MSRA: variants seen among roughly 807,000 people sequenced by gnomAD.
The protein encoded by MSRA is methionine sulfoxide reductase A, also known as mitochondrial peptide methionine sulfoxide reductase.
In MSRA, 54 loss-of-function variants were observed where a neutral mutation model predicts 31.3. The ratio of observed to expected loss-of-function variants is 1.73; its 90% CI spans 1.39 to 2.17. MSRA has a LOEUF of 2.17. Ranked by LOEUF, MSRA falls within the 30% of genes most tolerant of loss-of-function variation. The pLI is 0.00. For synonymous variants in MSRA, 169 were observed against 116.5 expected (o/e 1.45, Z -2.90); for missense variants, 507 against 300.9 (o/e 1.69, Z -5.07).
intron 3 of MSRA, among the ~76,000 whole-genome samples, chr8:10,269,808 C>T (rs568342270): frequency 3.9e-5 from 6 of 152,280 alleles, no homozygotes; most frequent in South Asian, 4.1e-4. Flanking sequence ...AGTGCCACCA[C>T]GCCCGGCTAA....
Position 10,369,692 on chromosome 8 carries a change from A to G in MSRA, c.543+49703A>G, listed in dbSNP as rs1402355482. ...GTTAAAATAATTATTAATACGGGAT[A>G]GGTAATGTTCATTAATAGTCATTCT... On this transcript the variant is annotated intron_variant, in intron 5 of 5. Coordinates refer to ENST00000317173, the MANE Select transcript of MSRA (RefSeq NM_012331.5). Among the ~76,000 whole-genome samples the G allele has an allele frequency of 2.0e-5, 3 of 152,362 alleles. No homozygotes were observed. The East Asian group carries it at 5.8e-4, about 29-fold the overall frequency.
At chr8:10,380,692 C>A (rs112407362) in intron 5 of MSRA, among the ~76,000 whole-genome samples, 1 of 152,090 alleles carries the variant, frequency 6.6e-6, no homozygotes, top group Non-Finnish European at 1.5e-5. Flanking sequence ...GTATTTAATA[C>A]ATTATTTTTG....
At chr8:10,212,862 A>G (rs1211919442) in intron 2 of MSRA, among the ~76,000 whole-genome samples, 1 of 152,190 alleles carries the variant, frequency 6.6e-6, no homozygotes, top group Non-Finnish European at 1.5e-5. Flanking sequence ...TGCTAAGTCA[A>G]AATTCTTTGA....
chr8:10,358,574 T>C, intron 5 of MSRA, among the ~76,000 whole-genome samples: 1 of 35,764 alleles, frequency 2.8e-5, no homozygotes, highest in African/African-American at 1.1e-4. Flanking sequence ...TCTTTTTTTT[T>C]TTTTTTTTTT....
At chr8:10,334,940 G>A (rs935545358) in intron 5 of MSRA, among the ~76,000 whole-genome samples, 32 of 152,348 alleles carry the variant, frequency 2.1e-4, no homozygotes, top group Admixed American at 1.8e-3. Context: ...TCTTCCCGTT[G>A]CTATGGCAGC....
chr8:10,308,178 T>A (rs1037968549), intron 4 of MSRA, among the ~76,000 whole-genome samples: 17 of 152,246 alleles, frequency 1.1e-4, no homozygotes, highest in African/African-American at 3.6e-4. Context: ...TGTGGTTCAT[T>A]GAAGCCTTCT....
At chr8:10,393,469 C>A (rs1189422160) in intron 5 of MSRA, among the ~76,000 whole-genome samples, 3 of 152,196 alleles carry the variant, frequency 2.0e-5, no homozygotes, top group African/African-American at 7.2e-5. Flanking sequence ...TTGGCACAAA[C>A]ATTCTATGGC....
At chr8:10,400,468 A>G (rs971248220) in intron 5 of MSRA, among the ~76,000 whole-genome samples, 1 of 151,940 alleles carries the variant, frequency 6.6e-6, no homozygotes, top group Non-Finnish European at 1.5e-5. Context: ...TCCCCATGTG[A>G]CTGCTGGGAG....
intron 1 of MSRA, chr8:10,095,446 T>G (rs1799088094): frequency 1.0e-6 from 1 of 984,574 alleles, no homozygotes; most frequent in African/African-American, 1.7e-5. Context: ...TCAAATGTAT[T>G]AATTGATCCG....
intron 3 of MSRA, among the ~76,000 whole-genome samples, chr8:10,273,285 T>G (rs1174683713): frequency 1.3e-5 from 2 of 152,218 alleles, no homozygotes; most frequent in Non-Finnish European, 2.9e-5. Context: ...GAATTCCACA[T>G]TATTTTACCT....
rs143450315 is a variant in MSRA, at chr8:10,054,578, C to A, written c.62C>A (p.Pro21Gln). ...LLLLHSLFPV[P>Q]RMGNSASNIV... ...CTCCTCCACAGCCTCTTTCCCGTCCCGAGGATGGGCAACTCGGCCTCGAAC... is the reference window on the plus strand; with the variant it reads ...CTCCTCCACAGCCTCTTTCCCGTCCAGAGGATGGGCAACTCGGCCTCGAAC... Residue 21 changes from proline (P) to glutamine (Q), a missense_variant, in exon 1 of 6, where the codon CCG (proline) becomes CAG (glutamine). Coordinates refer to ENST00000317173, the MANE Select transcript of MSRA (RefSeq NM_012331.5). The A allele has an allele frequency of 2.5e-6, 4 of 1,585,406 alleles. No homozygotes were observed. The African/African-American group carries it at 5.5e-5, about 22-fold the overall frequency.
chr8:10,283,836 T>TATTC (rs1261287031), intron 3 of MSRA, among the ~76,000 whole-genome samples: 1 of 53,162 alleles, frequency 1.9e-5, no homozygotes, highest in Admixed American at 2.5e-4. Flanking sequence ...TATATATATA[T>TATTC]ACACACACAC....
At chr8:10,169,917 C>CTTTTTTTTTTT (rs71538069) in intron 1 of MSRA, among the ~76,000 whole-genome samples, 1 of 131,952 alleles carries the variant, frequency 7.6e-6, no homozygotes, top group African/African-American at 2.8e-5. Flanking sequence ...TTCTTTCTTT[C>CTTTTTTTTTTT]TTTTTTTTTT....
At chr8:10,222,766 G>C (rs570201115) in intron 2 of MSRA, among the ~76,000 whole-genome samples, 7 of 152,330 alleles carry the variant, frequency 4.6e-5, no homozygotes, top group South Asian at 4.1e-4. Context: ...GATCTCACTT[G>C]TATGTGGAAT....
intron 5 of MSRA, among the ~76,000 whole-genome samples, chr8:10,362,461 C>CA (rs11388593): frequency 0.46 from 35,115 of 76,478 alleles, 7,459 homozygotes; most frequent in East Asian, 0.66. Flanking sequence ...ATACCATAAG[C>CA]AAAAAAAAAA....
rs569432774 is a variant in MSRA at position 10,380,536 on chromosome 8, C to A, written c.544-47612C>A. Among the ~76,000 whole-genome samples, 7 of 152,300 alleles carry A rather than the reference C, an allele frequency of 4.6e-5. No homozygotes were observed. The South Asian group carries it at 1.5e-3, about 32-fold the overall frequency. On this transcript the variant is annotated intron_variant, in intron 5 of 5. Transcript: ENST00000317173. ...TTTCCTGGGCAGTTACCCTGGTTAG[C>A]CCAAAGTAGACTCTGGACTCTTCCA...
intron 3 of MSRA, among the ~76,000 whole-genome samples, chr8:10,286,462 C>T (rs532833820): frequency 4.6e-5 from 7 of 152,336 alleles, no homozygotes; most frequent in Non-Finnish European, 7.3e-5. Flanking sequence ...ACTTGCTCCT[C>T]CTTGCCTCCC....
chr8:10,114,101 A>G (rs901608277), intron 1 of MSRA, among the ~76,000 whole-genome samples: 8 of 152,188 alleles, frequency 5.3e-5, no homozygotes, highest in Non-Finnish European at 1.2e-4. Context: ...TTTGCTTAGC[A>G]TGGTGTTCAT....
chr8:10,174,237 G>C (rs1322052040), intron 1 of MSRA, among the ~76,000 whole-genome samples: 4 of 152,120 alleles, frequency 2.6e-5, no homozygotes. Flanking sequence ...AGGGGAGCCT[G>C]CTTCCAACTT....
Sources: gnomAD v4.1 joint callset for allele counts (sites outside exome capture counted in the v4.1 genomes callset) on GRCh38, gnomAD v4.1.1 for gene constraint, MANE v1.5 for transcripts, NCBI Gene and HGNC (gene_info 2026-07-23, HGNC 2026-07-21) for gene names.